Variants in NOTCH2 observed in about 807,000 individuals in gnomAD.
NOTCH2 encodes the protein notch receptor 2.
NOTCH2 carries 29 observed loss-of-function variants against 235.8 expected under a neutral mutation model. The ratio of observed to expected loss-of-function variants is 0.12; its 90% CI spans 0.09 to 0.17. The LOEUF is 0.17. Ranked by LOEUF, NOTCH2 falls within the 10% of genes least tolerant of loss-of-function variation. The pLI is 1.00. For synonymous variants in NOTCH2, 1,086 were observed against 1,141.5 expected, an observed-to-expected ratio of 0.95 and a Z score of 0.98; for missense variants, 2,285 against 3,150.2, an observed-to-expected ratio of 0.73 and a Z score of 6.57.
intron 4 of NOTCH2, among the ~76,000 whole-genome samples, chr1:119,988,299 A>G (rs1000996536): frequency 6.6e-6 from 1 of 152,212 alleles, no homozygotes; most frequent in African/African-American, 2.4e-5. Context: ...AGTCATATAA[A>G]TAAGTATAAA....
Position 119,941,606 on chromosome 1 carries a change from G to A in NOTCH2, c.2901C>T (p.Tyr967=), listed in dbSNP as rs1650066092. 3.7e-6 allele frequency: 6 copies of A among 1,614,106 alleles called. No homozygotes were observed. Among genetic ancestry groups the A allele is most frequent in the African/African-American group, 1.3e-5 (1 of 75,032 alleles). ...PCKNGGTCSD[Y]VNSYTCKCQA... ...GGCACTTGCAAGTGTAACTGTTGACGTAGTCAGAGCAGGTCCCTCCATTCT... is the reference window on the plus strand; with the variant it reads ...GGCACTTGCAAGTGTAACTGTTGACATAGTCAGAGCAGGTCCCTCCATTCT... The change falls in exon 18 of 34, where the codon TAC becomes TAT. Residue 967 remains tyrosine, a synonymous_variant. Coordinates refer to ENST00000256646, the MANE Select transcript of NOTCH2 (RefSeq NM_024408.4).
rs1553199993 is a variant in NOTCH2, at chr1:119,968,546, G to A, written c.1109-314C>T. Among the ~76,000 whole-genome samples, 3 of 152,326 alleles carry A rather than the reference G, an allele frequency of 2.0e-5. 1 individual carries two copies. Reference sequence around the variant, plus strand: ...GAGCTATCTTCCAGATAGTGTGCCAGATTTAGCAAATAAAATAGAGGATGT... The same window carrying A: ...GAGCTATCTTCCAGATAGTGTGCCAAATTTAGCAAATAAAATAGAGGATGT... On this transcript the variant is annotated intron_variant, in intron 6 of 33. Coordinates refer to ENST00000256646, the MANE Select transcript of NOTCH2 (RefSeq NM_024408.4).
At chr1:119,946,626 TA>T (rs1360237319) in intron 17 of NOTCH2, among the ~76,000 whole-genome samples, 3 of 152,044 alleles carry the variant, frequency 2.0e-5, no homozygotes, top group African/African-American at 7.2e-5. Context: ...TCATTCATTA[TA>T]AAAATACAAA....
At position 119,916,031 on chromosome 1, in the gene NOTCH2, C is replaced by T. The variant is rs1203207253; in HGVS notation, c.6691G>A (p.Val2231Met). 1.2e-6 allele frequency: 2 copies of T among 1,613,790 alleles called. No individual in the cohort carries two copies. Among genetic ancestry groups the T allele is most frequent in the South Asian group, 1.1e-5 (1 of 91,080 alleles). The part of the protein sequence containing the change: ...VSQLLSHHHI[V>M]SPGSGSAGSL... ...CCAGCACTGCCACTGCCTGGAGACA[C>T]AATGTGGTGGTGGGATAGCAACTGG... The change falls in exon 34 of 34, where the codon GTG (valine) becomes ATG (methionine). Residue 2231 changes from valine (V) to methionine (M), a missense_variant. Physicochemically the swap from Val to Met is conservative, Grantham distance 21 (BLOSUM62 1). Coordinates refer to ENST00000256646, the MANE Select transcript of NOTCH2 (RefSeq NM_024408.4).
At chr1:119,927,639 G>C (rs921720885) in intron 23 of NOTCH2, among the ~76,000 whole-genome samples, 3 of 151,718 alleles carry the variant, frequency 2.0e-5, no homozygotes, top group African/African-American at 7.3e-5. Context: ...CCCTTACTTT[G>C]CAAATGCTTG....
intron 11 of NOTCH2, 31 bp downstream of exon 11, chr1:119,963,543 C>T: frequency 1.3e-6 from 2 of 1,559,578 alleles, no homozygotes; most frequent in East Asian, 2.2e-5. Flanking sequence ...CAGTGAAAAC[C>T]CCATACCAAA....
intron 15 of NOTCH2, chr1:119,950,235 T>G: frequency 5.7e-6 from 2 of 353,206 alleles, no homozygotes; most frequent in East Asian, 1.5e-4. Flanking sequence ...CTATATGACC[T>G]TGAGCAAGCA....
chr1:119,961,595 C>T (rs369205122), intron 11 of NOTCH2, among the ~76,000 whole-genome samples: 45 of 152,334 alleles, frequency 3.0e-4, no homozygotes, highest in Admixed American at 1.2e-3. Context: ...TGGGTGCTTT[C>T]GCTAAGCTCT....
At chr1:119,985,769 G>A (rs1387225007) in intron 5 of NOTCH2, among the ~76,000 whole-genome samples, 5 of 152,104 alleles carry the variant, frequency 3.3e-5, no homozygotes, top group African/African-American at 9.7e-5. Flanking sequence ...CCTCTGAAAA[G>A]TCTATCATAG....
At chr1:119,946,065 G>A (rs1650244409) in intron 17 of NOTCH2, among the ~76,000 whole-genome samples, 1 of 152,050 alleles carries the variant, frequency 6.6e-6, no homozygotes. Flanking sequence ...ACAAATTGAT[G>A]TTATGTCAAC....
At position 119,914,077 on chromosome 1, in the gene NOTCH2, T is replaced by A. The variant is rs1648981112; in HGVS notation, c.*1229A>T. 1 of 233,148 alleles carries A rather than the reference T, an allele frequency of 4.3e-6. No homozygotes were observed. The highest frequency in any genetic ancestry group is 1.8e-4 in the South Asian group (1 of 5,528). The allele number at this position is 233,148 out of a possible 1,614,324, so 14.4% of individuals were successfully genotyped here. ...TCATCTGACAAACGGAAGACAACTG[T>A]CACTGGGTCCCTTGGGCTAAGGAAA... On this transcript the variant is annotated 3_prime_UTR_variant, in exon 34 of 34. Transcript: ENST00000256646.
chr1:119,961,964 T>C (rs1239808509), intron 11 of NOTCH2, among the ~76,000 whole-genome samples: 1 of 152,204 alleles, frequency 6.6e-6, no homozygotes, highest in African/African-American at 2.4e-5. Context: ...CCCTGATACA[T>C]GCCAGGTCTT....
chr1:120,017,500 T>C (rs1282097139), intron 2 of NOTCH2, among the ~76,000 whole-genome samples: 5 of 152,142 alleles, frequency 3.3e-5, no homozygotes, highest in Non-Finnish European at 5.9e-5. Context: ...ATAGAAGGCA[T>C]TCAACTATTC....
rs587695533 is a variant in NOTCH2 at position 119,912,051 on chromosome 1, C to G, written c.*3255G>C. ...GTATTGGAAAATAAAAAATACAACACCACTGAGCTTGGCAAACCTTTTTTA... is the reference window on the plus strand; with the variant it reads ...GTATTGGAAAATAAAAAATACAACAGCACTGAGCTTGGCAAACCTTTTTTA... On this transcript the variant is annotated 3_prime_UTR_variant, in exon 34 of 34. Transcript: ENST00000256646. The G allele has an allele frequency of 4.3e-6, 1 of 233,652 alleles. No individual in the cohort carries two copies. The highest frequency in any genetic ancestry group is 1.8e-4 in the South Asian group (1 of 5,520). The allele number at this position is 233,652 out of a possible 1,614,324, so 14.5% of individuals were successfully genotyped here. A position where few individuals can be genotyped will look rare whatever the true frequency, so the allele number is the denominator to read the frequency against.
At chr1:119,920,176 G>A in intron 30 of NOTCH2, 53 bp downstream of exon 30, 1 of 1,602,852 alleles carries the variant, frequency 6.2e-7, no homozygotes, top group Non-Finnish European at 8.5e-7. Flanking sequence ...ACAACAATGT[G>A]GAACCATGGG....
Position 119,915,036 on chromosome 1 carries a change from GAAGA to G in NOTCH2, c.*266_*269del. 5.8e-6 allele frequency: 3 copies of G among 513,816 alleles called. No homozygotes were observed. In the South Asian group the frequency reaches 6.2e-5, roughly 11 times the overall value. 31.8% of individuals were successfully genotyped at this position (513,816 alleles called of 1,614,324 possible). ...AAGCATCCATCTTATTCTCCAAATA[GAAGA>G]GAGTAAACATGGACCCAAGGCTTGT... On this transcript the variant is annotated 3_prime_UTR_variant, in exon 34 of 34. Coordinates refer to ENST00000256646, the MANE Select transcript of NOTCH2 (RefSeq NM_024408.4).
chr1:119,979,719 G>A lies in NOTCH2; in HGVS notation c.874+7241C>T, dbSNP rs1423072271. On this transcript the variant is annotated intron_variant, in intron 5 of 33. Coordinates refer to ENST00000256646, the MANE Select transcript of NOTCH2 (RefSeq NM_024408.4). ...ATATTATAAATTGGGTTATAAAATT[G>A]TAAATATCAAGAATAATTTTAAAGA... 4.6e-5 allele frequency among the ~76,000 whole-genome samples: 7 copies of A among 152,200 alleles called. No individual in the cohort carries two copies. In the South Asian group the frequency reaches 1.0e-3, roughly 23 times the overall value.
At position 119,940,584 on chromosome 1, in the gene NOTCH2, G is replaced by C. The variant is rs1417119248; in HGVS notation, c.3154C>G (p.Pro1052Ala). ...DGLGTYRCSC[P>A]LGYTGKNCQT... The stretch of plus-strand genomic sequence containing the variant: ...CAGTTTTTCCCAGTGTAGCCCAGGG[G>C]GCAGCTGCAGCGGTAGGTACCCAGG... Residue 1052 changes from proline to alanine, a missense_variant, in exon 19 of 34, where the codon CCC (proline) becomes GCC (alanine). Coordinates refer to ENST00000256646, the MANE Select transcript of NOTCH2 (RefSeq NM_024408.4). The C allele has an allele frequency of 1.9e-6, 3 of 1,613,798 alleles. No homozygotes were observed. The African/African-American group carries it at 4.0e-5, about 22-fold the overall frequency.
intron 17 of NOTCH2, among the ~76,000 whole-genome samples, chr1:119,943,253 T>C (rs1553196678): frequency 6.6e-6 from 1 of 152,230 alleles, no homozygotes; most frequent in African/African-American, 2.4e-5. Flanking sequence ...TATTAATGCA[T>C]TGTGATAATC....
Sources: allele counts gnomAD v4.1 joint callset (sites outside exome capture counted in the v4.1 genomes callset), GRCh38; gene constraint gnomAD v4.1.1; transcripts MANE v1.5; gene names NCBI Gene and HGNC (gene_info 2026-07-23, HGNC 2026-07-21).